PPFIA2: variants seen among roughly 807,000 people sequenced by gnomAD.
PPFIA2 encodes liprin-alpha-2.
In PPFIA2, 46 loss-of-function variants were observed where a neutral mutation model predicts 175.5. The observed-to-expected ratio is 0.26, with a 90% CI of 0.21 to 0.34. The LOEUF is 0.34. Ranked by LOEUF, PPFIA2 falls within the 10% of genes least tolerant of loss-of-function variation. PPFIA2 has a pLI of 1.00. For synonymous variants in PPFIA2, 568 were observed against 511.4 expected, an observed-to-expected ratio of 1.11 and a Z score of -1.49; for missense variants, 1,179 against 1,506.1, an observed-to-expected ratio of 0.78 and a Z score of 3.60.
At chr12:81,527,566 G>C (rs2063878709) in intron 4 of PPFIA2, among the ~76,000 whole-genome samples, 1 of 151,898 alleles carries the variant, frequency 6.6e-6, no homozygotes, top group African/African-American at 2.4e-5. Context: ...TGTCCAAATG[G>C]AACCTTCTCA....
chr12:81,384,461 T>C (rs2038472257), intron 8 of PPFIA2, among the ~76,000 whole-genome samples: 2 of 152,082 alleles, frequency 1.3e-5, no homozygotes, highest in African/African-American at 4.8e-5. Context: ...GTTTAATAGA[T>C]GTATTTGAAA....
chr12:81,684,642 A>T (rs529464841), intron 3 of PPFIA2, among the ~76,000 whole-genome samples: 8 of 152,250 alleles, frequency 5.3e-5, no homozygotes, highest in African/African-American at 1.9e-4. Flanking sequence ...ATCTTTATAA[A>T]ATGCCTGAGT....
chr12:81,368,060 T>C (rs1464069257), intron 13 of PPFIA2: 1 of 1,224,438 alleles, frequency 8.2e-7, no homozygotes, highest in East Asian at 5.7e-5. Context: ...GCATTCAATC[T>C]AGATTTCTAA....
chr12:81,712,540 A>C (rs2078075671), intron 3 of PPFIA2, among the ~76,000 whole-genome samples: 1 of 151,148 alleles, frequency 6.6e-6, no homozygotes, highest in African/African-American at 2.4e-5. Flanking sequence ...TTTAGTAATA[A>C]GTATCAGTTA....
At chr12:81,507,353 A>AT (rs1207561259) in intron 4 of PPFIA2, among the ~76,000 whole-genome samples, 1 of 152,128 alleles carries the variant, frequency 6.6e-6, no homozygotes, top group Non-Finnish European at 1.5e-5. Flanking sequence ...ATAAAGCAGT[A>AT]TTTTTTTCAA....
At chr12:81,716,292 G>T (rs1477498978) in intron 3 of PPFIA2, among the ~76,000 whole-genome samples, 1 of 151,632 alleles carries the variant, frequency 6.6e-6, no homozygotes, top group Non-Finnish European at 1.5e-5. Context: ...CAAAGAGCTG[G>T]ATCAGCAAAA....
chr12:81,525,771 A>G (rs1265085496), intron 4 of PPFIA2, among the ~76,000 whole-genome samples: 1 of 152,178 alleles, frequency 6.6e-6, no homozygotes, highest in Admixed American at 6.5e-5. Context: ...CTCCATTACA[A>G]CACTGGACAT....
chr12:81,355,175 A>G (rs562677494), intron 16 of PPFIA2, among the ~76,000 whole-genome samples: 1 of 152,308 alleles, frequency 6.6e-6, no homozygotes, highest in South Asian at 2.1e-4. Flanking sequence ...GCAGGCACGA[A>G]AAAAACAATC....
Position 81,295,046 on chromosome 12 carries a change from G to C in PPFIA2, c.2725-11C>G. The stretch of plus-strand genomic sequence containing the variant: ...CATTCCCAACCAAAGCTGTTAGATA[G>C]GAAAAAATACACTAACAAATTATAA... On this transcript the variant is annotated splice_polypyrimidine_tract_variant and intron_variant, in intron 23 of 32. Coordinates refer to ENST00000549396, the MANE Select transcript of PPFIA2 (RefSeq NM_003625.5). 2.5e-6 allele frequency: 4 copies of C among 1,608,548 alleles called. No homozygotes were observed. The highest frequency in any genetic ancestry group is 2.5e-6 in the Non-Finnish European group (3 of 1,177,568).
At position 81,758,420 on chromosome 12, in the gene PPFIA2, T is replaced by C; in HGVS notation, c.-23A>G. 2.2e-6 allele frequency: 1 copy of C among 456,288 alleles called. No individual in the cohort carries two copies. The highest frequency in any genetic ancestry group is 1.5e-5 in the South Asian group (1 of 64,528). The allele number at this position is 456,288 out of a possible 1,614,324, so 28.3% of individuals were successfully genotyped here. A position where few individuals can be genotyped will look rare whatever the true frequency, so the allele number is the denominator to read the frequency against. On this transcript the variant is annotated 5_prime_UTR_variant, in exon 2 of 33. Transcript: ENST00000549396. ...TGTACCTAATGTCTGTGATTTCGGGTCCTTGCTTCTTCAATTGATCAATGA... is the reference window on the plus strand; with the variant it reads ...TGTACCTAATGTCTGTGATTTCGGGCCCTTGCTTCTTCAATTGATCAATGA...
chr12:81,394,063 A>G (rs2040629845), intron 8 of PPFIA2, among the ~76,000 whole-genome samples: 1 of 152,076 alleles, frequency 6.6e-6, no homozygotes, highest in African/African-American at 2.4e-5. Flanking sequence ...AGGGCTAAAA[A>G]TATGCAATAG....
chr12:81,423,815 A>T (rs140753445), intron 7 of PPFIA2, among the ~76,000 whole-genome samples: 1 of 152,242 alleles, frequency 6.6e-6, no homozygotes, highest in East Asian at 1.9e-4. Context: ...CTGTATGCAA[A>T]TGACATGACC....
At chr12:81,651,222 G>A (rs931530417) in intron 4 of PPFIA2, among the ~76,000 whole-genome samples, 3 of 152,140 alleles carry the variant, frequency 2.0e-5, no homozygotes, top group Admixed American at 2.0e-4. Flanking sequence ...TTAATGGAAA[G>A]GAAGAGACTG....
chr12:81,457,356 G>A (rs527685659), intron 5 of PPFIA2, among the ~76,000 whole-genome samples: 6 of 148,862 alleles, frequency 4.0e-5, no homozygotes, highest in Non-Finnish European at 7.4e-5. Flanking sequence ...CCACTCTTTT[G>A]TAGCAGCCCT....
chr12:81,386,323 G>T (rs985858403), intron 8 of PPFIA2, among the ~76,000 whole-genome samples: 5 of 142,126 alleles, frequency 3.5e-5, no homozygotes, highest in African/African-American at 1.3e-4. Flanking sequence ...AAATAAATAA[G>T]AAAAGAAAAG....
At chr12:81,298,922 C>T (rs1012499977) in intron 23 of PPFIA2, among the ~76,000 whole-genome samples, 1 of 152,148 alleles carries the variant, frequency 6.6e-6, no homozygotes, top group Non-Finnish European at 1.5e-5. Flanking sequence ...GGTGATCTTA[C>T]TACCTTGGAT....
At chr12:81,319,031 C>G (rs942620465) in intron 22 of PPFIA2, among the ~76,000 whole-genome samples, 2 of 151,520 alleles carry the variant, frequency 1.3e-5, no homozygotes, top group South Asian at 4.1e-4. Flanking sequence ...ACATTATCTT[C>G]TATTATATGT....
chr12:81,359,797 A>AT, intron 15 of PPFIA2, among the ~76,000 whole-genome samples: 1 of 151,936 alleles, frequency 6.6e-6, no homozygotes, highest in Middle Eastern at 3.4e-3. Flanking sequence ...ACAGCTCCAG[A>AT]TAATTTATTT....
intron 17 of PPFIA2, among the ~76,000 whole-genome samples, chr12:81,351,237 C>T (rs2059948757): frequency 6.6e-6 from 1 of 151,928 alleles, no homozygotes; most frequent in Non-Finnish European, 1.5e-5. Flanking sequence ...GTTCATATCA[C>T]CATATGTTTT....
Sources: gnomAD v4.1 joint callset for allele counts (sites outside exome capture counted in the v4.1 genomes callset) on GRCh38, gnomAD v4.1.1 for gene constraint, MANE v1.5 for transcripts, NCBI Gene and HGNC (gene_info 2026-07-23, HGNC 2026-07-21) for gene names.